CENPP: variants seen among roughly 807,000 people sequenced by gnomAD.
The protein encoded by CENPP is centromere protein P.
Under a neutral mutation model 35.6 loss-of-function variants are expected in CENPP, and 24 were observed. The observed-to-expected ratio is 0.67, with a 90% CI of 0.49 to 0.95. The LOEUF (loss-of-function observed/expected upper bound fraction) is 0.95. Among genes scored for constraint, CENPP ranks in the 40% least tolerant of loss-of-function variants. The probability of loss-of-function intolerance (pLI) is 0.00; values close to 1 mark genes in which losing one functional copy is unlikely to be tolerated. For missense variants in CENPP, 332 were observed against 345.3 expected (o/e 0.96, Z 0.31); for synonymous variants, 120 against 125.5 (o/e 0.96, Z 0.29).
intron 5 of CENPP, chr9:92,401,168 T>C: frequency 6.7e-7 from 1 of 1,496,266 alleles, no homozygotes; most frequent in Non-Finnish European, 9.3e-7. Flanking sequence ...CATTGGGTAT[T>C]ATCACAGTTT....
In CENPP at chr9:92,515,037, A is replaced by G. The variant is rs368303849; in HGVS notation, c.565-96277A>G. On this transcript the variant is annotated intron_variant, in intron 5 of 7. Coordinates refer to ENST00000375587, the MANE Select transcript of CENPP (RefSeq NM_001012267.3). The stretch of plus-strand genomic sequence containing the variant: ...CTGTATCTTCTTCTTTCACTTCTTC[A>G]TCCTCCTCAGATTGAAGTGCTTCTT... 13 of 1,613,674 alleles carry G rather than the reference A, an allele frequency of 8.1e-6. No homozygotes were observed. The African/African-American group carries it at 1.7e-4, about 22-fold the overall frequency.
At chr9:92,333,012 T>C (rs573981640) in intron 2 of CENPP, among the ~76,000 whole-genome samples, 1 of 152,216 alleles carries the variant, frequency 6.6e-6, no homozygotes, top group Admixed American at 6.5e-5. Context: ...TTATACATCT[T>C]AGGAGTTGTT....
intron 5 of CENPP, among the ~76,000 whole-genome samples, chr9:92,536,869 ATTT>A (rs11459753): frequency 7.1e-6 from 1 of 141,520 alleles, no homozygotes; most frequent in Non-Finnish European, 1.5e-5. Flanking sequence ...TATTTTTTAA[ATTT>A]TTTTTTTTTT....
At chr9:92,534,357 C>T (rs76264883) in intron 5 of CENPP, among the ~76,000 whole-genome samples, 2,119 of 152,310 alleles carry the variant, frequency 0.014, 55 homozygotes, top group African/African-American at 0.048. Context: ...CCAGAATCAT[C>T]TTCCTCTAGT....
At chr9:92,524,369 C>T (rs915161400) in intron 5 of CENPP, among the ~76,000 whole-genome samples, 4 of 152,160 alleles carry the variant, frequency 2.6e-5, no homozygotes, top group Non-Finnish European at 4.4e-5. Flanking sequence ...ACTCTTGGTA[C>T]AGTAGTAGCA....
chr9:92,466,586 G>GA, intron 5 of CENPP: 1 of 1,599,982 alleles, frequency 6.3e-7, no homozygotes, highest in Non-Finnish European at 8.6e-7. Flanking sequence ...ATCAAGCATA[G>GA]AAAGTTACAC....
At chr9:92,349,986 C>T (rs891489561) in intron 4 of CENPP, among the ~76,000 whole-genome samples, 4 of 152,066 alleles carry the variant, frequency 2.6e-5, no homozygotes, top group African/African-American at 4.8e-5. Context: ...ACTGCCAAAC[C>T]GTTTTCCAGA....
At chr9:92,581,435 A>G (rs942766104) in intron 5 of CENPP, among the ~76,000 whole-genome samples, 2 of 152,212 alleles carry the variant, frequency 1.3e-5, no homozygotes, top group African/African-American at 4.8e-5. Flanking sequence ...ATGGAACTGC[A>G]GTGACCAAAG....
intron 5 of CENPP, among the ~76,000 whole-genome samples, chr9:92,533,328 A>AAAAAAAAATATATATATAT (rs1554683138): frequency 7.8e-5 from 3 of 38,332 alleles, no homozygotes; most frequent in Non-Finnish European, 1.3e-4. Context: ...AAAAAAAAAA[A>AAAAAAAAATATATATATAT]ATATATATAT....
intron 4 of CENPP, 106 bp from the exon 5 acceptor site, chr9:92,379,657 A>G: frequency 1.3e-6 from 1 of 742,760 alleles, no homozygotes; most frequent in Non-Finnish European, 2.3e-6. Flanking sequence ...AACTACTTCA[A>G]GTTTTTGGTT....
chr9:92,530,994 AT>A (rs1848715129), intron 5 of CENPP, among the ~76,000 whole-genome samples: 1 of 152,028 alleles, frequency 6.6e-6, no homozygotes, highest in Non-Finnish European at 1.5e-5. Flanking sequence ...TCTGCAAAAT[AT>A]ATGTTTTGCT....
chr9:92,406,738 G>C (rs932679517), intron 5 of CENPP, among the ~76,000 whole-genome samples: 1 of 152,126 alleles, frequency 6.6e-6, no homozygotes, highest in South Asian at 2.1e-4. Context: ...TGAAACTGTG[G>C]ACGTAAGTTT....
At chr9:92,573,507 C>T (rs1850201473) in intron 5 of CENPP, among the ~76,000 whole-genome samples, 1 of 152,164 alleles carries the variant, frequency 6.6e-6, no homozygotes, top group Non-Finnish European at 1.5e-5. Context: ...TCAGTCGGCC[C>T]CTACTTGGAG....
chr9:92,612,459 T>C (rs749449560), intron 6 of CENPP, 64 bp from the exon 7 acceptor site: 305 of 1,295,878 alleles, frequency 2.4e-4, no homozygotes, highest in Non-Finnish European at 3.3e-4. Context: ...GTGCGACTCA[T>C]GGTTGCTAAT....
At chr9:92,603,781 G>T (rs550711106) in intron 5 of CENPP, among the ~76,000 whole-genome samples, 1 of 152,244 alleles carries the variant, frequency 6.6e-6, no homozygotes, top group Non-Finnish European at 1.5e-5. Flanking sequence ...ACTCAGCCAT[G>T]GTCCCCCTGC....
intron 5 of CENPP, among the ~76,000 whole-genome samples, chr9:92,448,173 A>G (rs897888197): frequency 6.6e-6 from 1 of 152,238 alleles, no homozygotes; most frequent in Non-Finnish European, 1.5e-5. Flanking sequence ...GCAGCATTGT[A>G]GTAAAGAAAG....
chr9:92,543,282 G>A (rs760642228), intron 5 of CENPP, among the ~76,000 whole-genome samples: 1 of 151,918 alleles, frequency 6.6e-6, no homozygotes, highest in Non-Finnish European at 1.5e-5. Context: ...GACCAGCCTG[G>A]CCAACATGGT....
Position 92,551,949 on chromosome 9 carries a change from ATATG to A in CENPP, c.565-59364_565-59361del, listed in dbSNP as rs1436397262. 7.8e-4 allele frequency among the ~76,000 whole-genome samples: 96 copies of A among 122,606 alleles called. 1 individual carries two copies. Among genetic ancestry groups the A allele is most frequent in the Non-Finnish European group, 9.3e-4 (57 of 61,088 alleles). The allele number at this position is 122,606 out of a possible 152,430, so 80.4% of individuals were successfully genotyped here. On this transcript the variant is annotated intron_variant, in intron 5 of 7. Transcript: ENST00000375587. Reference sequence around the variant, plus strand: ...TGTATATATATATATATATATATATATATGATATATATATGTGTGATATATATGT... The same window carrying A: ...TGTATATATATATATATATATATATAATATATATATGTGTGATATATATGT...
chr9:92,411,113 C>T (rs1444718975), intron 5 of CENPP, among the ~76,000 whole-genome samples: 1 of 152,074 alleles, frequency 6.6e-6, no homozygotes, highest in Admixed American at 6.6e-5. Context: ...TCTGGGACTA[C>T]AGGCGCCTGC....
Sources: allele counts gnomAD v4.1 joint callset (sites outside exome capture counted in the v4.1 genomes callset), GRCh38; gene constraint gnomAD v4.1.1; transcripts MANE v1.5; gene names NCBI Gene and HGNC (gene_info 2026-07-23, HGNC 2026-07-21).